Variants in UBE2W observed in about 807,000 individuals in gnomAD.
UBE2W encodes the protein ubiquitin conjugating enzyme E2 W.
UBE2W carries 18 observed loss-of-function variants against 27.2 expected under a neutral mutation model. That is an observed-to-expected ratio of 0.66 (90% CI 0.46 to 0.98). UBE2W has a LOEUF of 0.98. UBE2W is among the 50% of genes least tolerant of loss of function. The pLI is 0.00. For missense variants in UBE2W, 90 were observed against 180.2 expected, an observed-to-expected ratio of 0.50 and a Z score of 2.87; for synonymous variants, 53 against 57.2, an observed-to-expected ratio of 0.93 and a Z score of 0.33.
intron 1 of UBE2W, among the ~76,000 whole-genome samples, chr8:73,867,988 T>G (rs1453473461): frequency 2.0e-5 from 3 of 152,198 alleles, no homozygotes; most frequent in Admixed American, 2.0e-4. Context: ...AATTCCTTAG[T>G]GTGGTATTGC....
downstream of UBE2W, among the ~76,000 whole-genome samples, chr8:73,785,568 A>AAAC (rs1807925325): frequency 2.0e-5 from 3 of 151,970 alleles, no homozygotes; most frequent in Non-Finnish European, 4.4e-5. Context: ...CACAGTACCT[A>AAAC]ATATGTAGTT....
rs1808192766 is a variant in UBE2W at position 73,791,453 on chromosome 8, A to G, written c.*2649T>C. The G allele has an allele frequency of 1.0e-6, 1 of 985,294 alleles. No homozygotes were observed. The allele number at this position is 985,294 out of a possible 1,614,324, so 61.0% of individuals were successfully genotyped here. On this transcript the variant is annotated 3_prime_UTR_variant, in exon 6 of 6. Transcript: ENST00000602593. ...TATGAAAGTCTAATTCTGTAGGCCT[A>G]TGTCGCAAATAGTGCCCCACGAGGA...
intron 5 of UBE2W, among the ~76,000 whole-genome samples, chr8:73,798,641 G>A (rs923576983): frequency 9.9e-5 from 15 of 152,072 alleles, no homozygotes; most frequent in Admixed American, 9.8e-4. Context: ...GAAAACAAAT[G>A]GACCATACAA....
At chr8:73,869,454 GC>G (rs1811908324) in intron 1 of UBE2W, among the ~76,000 whole-genome samples, 1 of 152,162 alleles carries the variant, frequency 6.6e-6, no homozygotes, top group Non-Finnish European at 1.5e-5. Context: ...ACTTTAAGAG[GC>G]CAAGACAGGT....
chr8:73,865,604 CT>C (rs1444253796), intron 1 of UBE2W, among the ~76,000 whole-genome samples: 1 of 152,138 alleles, frequency 6.6e-6, no homozygotes, highest in Non-Finnish European at 1.5e-5. Context: ...AGAGTGAAAC[CT>C]TGTCTCAAAA....
intron 1 of UBE2W, among the ~76,000 whole-genome samples, chr8:73,863,214 G>A (rs1290544915): frequency 6.8e-6 from 1 of 146,930 alleles, no homozygotes; most frequent in Non-Finnish European, 1.5e-5. Flanking sequence ...TTAAGAAAAC[G>A]TGGCACATAT....
intron 1 of UBE2W, among the ~76,000 whole-genome samples, chr8:73,849,217 A>G (rs1415746442): frequency 6.6e-6 from 1 of 152,160 alleles, no homozygotes; most frequent in Non-Finnish European, 1.5e-5. Flanking sequence ...AGTAACATCT[A>G]AAAAATATTG....
intron 1 of UBE2W, among the ~76,000 whole-genome samples, chr8:73,854,843 A>G (rs1284800058): frequency 6.6e-6 from 1 of 152,260 alleles, no homozygotes; most frequent in Admixed American, 6.5e-5. Context: ...TCAGTTACAT[A>G]AAGTCAATTA....
chr8:73,829,071 C>A (rs928768244), intron 2 of UBE2W, among the ~76,000 whole-genome samples: 1 of 152,056 alleles, frequency 6.6e-6, no homozygotes, highest in African/African-American at 2.4e-5. Context: ...TCTTGCCTGA[C>A]CAATATCTCG....
intron 5 of UBE2W, among the ~76,000 whole-genome samples, chr8:73,802,183 A>T (rs922524277): frequency 5.3e-5 from 8 of 152,234 alleles, no homozygotes; most frequent in Non-Finnish European, 2.9e-5. Context: ...AATACTGCTA[A>T]ACTGCTTCCT....
chr8:73,781,619 GTTTTT>G (rs112691687), downstream of UBE2W, among the ~76,000 whole-genome samples: 3 of 140,878 alleles, frequency 2.1e-5, no homozygotes, highest in African/African-American at 7.6e-5. Flanking sequence ...TCAGGTTTGG[GTTTTT>G]TTTTTTTTTT....
Position 73,862,008 on chromosome 8 carries a change from T to A in UBE2W, c.15+16800A>T, listed in dbSNP as rs1170917607. Among the ~76,000 whole-genome samples, 3 of 152,336 alleles carry A rather than the reference T, an allele frequency of 2.0e-5. No individual in the cohort carries two copies. The East Asian group carries it at 5.8e-4, about 29-fold the overall frequency. ...TTAAATCTTTCAAGAGGATTAAACTTTGAAATGTCTCCTGAACTCTAAAAC... is the reference window on the plus strand; with the variant it reads ...TTAAATCTTTCAAGAGGATTAAACTATGAAATGTCTCCTGAACTCTAAAAC... On this transcript the variant is annotated intron_variant, in intron 1 of 5. Coordinates refer to ENST00000602593, the MANE Select transcript of UBE2W (RefSeq NM_018299.6).
intron 1 of UBE2W, among the ~76,000 whole-genome samples, chr8:73,854,466 T>C (rs78281640): frequency 0.01 from 1,594 of 152,302 alleles, 11 homozygotes; most frequent in Admixed American, 0.017. Flanking sequence ...TCTGGTGATT[T>C]GTATTATAAT....
intron 3 of UBE2W, among the ~76,000 whole-genome samples, chr8:73,812,599 G>A (rs1038690795): frequency 3.3e-5 from 5 of 152,102 alleles, no homozygotes; most frequent in South Asian, 2.1e-4. Context: ...CAAATCTTAC[G>A]GACATCTACC....
chr8:73,867,387 T>C (rs1811821471), intron 1 of UBE2W, among the ~76,000 whole-genome samples: 2 of 151,472 alleles, frequency 1.3e-5, no homozygotes, highest in Non-Finnish European at 2.9e-5. Flanking sequence ...ATACAAAAAT[T>C]AGCTGGGCAT....
rs1808234726 is a variant in UBE2W, at chr8:73,792,231, T to C, written c.*1871A>G. The stretch of plus-strand genomic sequence containing the variant: ...CAACTAATAAAACTGACAGAGATCA[T>C]TGTGAGAATTTATCTAGTCAAGATA... On this transcript the variant is annotated 3_prime_UTR_variant, in exon 6 of 6. Coordinates refer to ENST00000602593, the MANE Select transcript of UBE2W (RefSeq NM_018299.6). 7.1e-6 allele frequency: 7 copies of C among 985,734 alleles called. No homozygotes were observed. The South Asian group carries it at 1.4e-4, about 20-fold the overall frequency. 61.1% of individuals were successfully genotyped at this position (985,734 alleles called of 1,614,324 possible).
At chr8:73,825,025 T>C in intron 3 of UBE2W, 122 bp downstream of exon 3, 1 of 608,624 alleles carries the variant, frequency 1.6e-6, no homozygotes. Context: ...ACAAATAAGA[T>C]AATGAAATAA....
intron 1 of UBE2W, among the ~76,000 whole-genome samples, chr8:73,864,724 A>C: frequency 9.3e-6 from 1 of 107,348 alleles, no homozygotes; most frequent in African/African-American, 3.7e-5. Flanking sequence ...TTACAGGTGC[A>C]TGCCACCATG....
intron 1 of UBE2W, among the ~76,000 whole-genome samples, chr8:73,869,540 A>G (rs546119309): frequency 2.6e-4 from 40 of 152,290 alleles, no homozygotes; most frequent in African/African-American, 9.1e-4. Flanking sequence ...AAAATACAAA[A>G]ATTAGCTGGG....
Sources: gnomAD v4.1 joint callset for allele counts (sites outside exome capture counted in the v4.1 genomes callset) on GRCh38, gnomAD v4.1.1 for gene constraint, MANE v1.5 for transcripts, NCBI Gene and HGNC (gene_info 2026-07-23, HGNC 2026-07-21) for gene names.